Variants in APLP2 observed in about 807,000 individuals in gnomAD.
The protein encoded by APLP2 is amyloid beta precursor like protein 2, also known as CDEI box-binding protein.
A neutral mutation model predicts 89.9 loss-of-function variants in APLP2; 53 were observed. That is an observed-to-expected ratio of 0.59 (90% CI 0.47 to 0.74). The LOEUF (loss-of-function observed/expected upper bound fraction) is 0.74, where lower values mean the gene tolerates loss of function less well. Ranked by LOEUF, APLP2 falls within the 30% of genes least tolerant of loss-of-function variation. The pLI is 0.00. For missense variants in APLP2, 973 were observed against 975.9 expected, an observed-to-expected ratio of 1.00 and a Z score of 0.04; for synonymous variants, 372 against 348.6, an observed-to-expected ratio of 1.07 and a Z score of -0.75.
intron 1 of APLP2, among the ~76,000 whole-genome samples, chr11:130,094,146 C>T (rs985731081): frequency 6.6e-6 from 1 of 151,156 alleles, no homozygotes; most frequent in African/African-American, 2.4e-5. Flanking sequence ...TTCTGCCTCC[C>T]GGGTTTAAGC....
At chr11:130,097,350 A>T (rs1392507011) in intron 1 of APLP2, among the ~76,000 whole-genome samples, 1 of 152,240 alleles carries the variant, frequency 6.6e-6, no homozygotes, top group Non-Finnish European at 1.5e-5. Flanking sequence ...ATAAGCAAAG[A>T]TATGGGTTAT....
chr11:130,104,067 A>T (rs2135721279), intron 1 of APLP2, among the ~76,000 whole-genome samples: 1 of 152,126 alleles, frequency 6.6e-6, no homozygotes, highest in Admixed American at 6.5e-5. Context: ...TTCGGGGGAG[A>T]GCACTGGTTT....
At chr11:130,134,337 C>T (rs1456545072) in intron 12 of APLP2, among the ~76,000 whole-genome samples, 1 of 152,124 alleles carries the variant, frequency 6.6e-6, no homozygotes, top group East Asian at 1.9e-4. Context: ...GGCCTGAGAT[C>T]CGAATGGTAA....
rs1307942334 is a variant in APLP2, at chr11:130,141,598, G to A, written c.1998+26G>A. On this transcript the variant is annotated intron_variant, in intron 15 of 16. Transcript: ENST00000338167. The surrounding 1 kb of genome is among the most constrained non-coding windows in gnomAD (Gnocchi z 4.2). The stretch of plus-strand genomic sequence containing the variant: ...GTACGTGTTTAGCTCCAGAACCTAA[G>A]GTTTCCTGCCAATCTTAGGTATTTC... 4.4e-6 allele frequency: 7 copies of A among 1,602,536 alleles called. No individual in the cohort carries two copies. The highest frequency in any genetic ancestry group is 6.0e-6 in the Non-Finnish European group (7 of 1,169,798).
chr11:130,114,613 A>G (rs1391269274), intron 3 of APLP2, among the ~76,000 whole-genome samples: 4 of 152,148 alleles, frequency 2.6e-5, no homozygotes, highest in South Asian at 4.2e-4. Flanking sequence ...TTCTGATACA[A>G]AAGATTCTCC....
chr11:130,115,226 T>C (rs191182386), intron 3 of APLP2, among the ~76,000 whole-genome samples: 1 of 152,230 alleles, frequency 6.6e-6, no homozygotes, highest in East Asian at 1.9e-4. Flanking sequence ...AATTTTTAAT[T>C]TTTGTGGGTA....
chr11:130,129,843 T>G (rs1950742014), intron 10 of APLP2, among the ~76,000 whole-genome samples, 195 bp from the exon 11 acceptor site: 1 of 152,246 alleles, frequency 6.6e-6, no homozygotes. Context: ...AGTATAACTT[T>G]GGAACTTAGT....
At chr11:130,117,206 A>G (rs1949292923) in intron 3 of APLP2, among the ~76,000 whole-genome samples, 1 of 152,238 alleles carries the variant, frequency 6.6e-6, no homozygotes, top group African/African-American at 2.4e-5. Flanking sequence ...TTAGAGATCG[A>G]ACAGATTGAT....
chr11:130,084,987 A>G (rs541542168), intron 1 of APLP2, among the ~76,000 whole-genome samples: 1 of 152,358 alleles, frequency 6.6e-6, no homozygotes, highest in East Asian at 1.9e-4. Flanking sequence ...TACCATGAAA[A>G]TAAAAAGTAT....
rs763484690 is a variant in APLP2, at chr11:130,130,027, C to T, written c.1456-11C>T. 3 of 1,613,414 alleles carry T rather than the reference C, an allele frequency of 1.9e-6. No individual in the cohort carries two copies. Among genetic ancestry groups the T allele is most frequent in the African/African-American group, 2.7e-5 (2 of 74,930 alleles). Reference sequence around the variant, plus strand: ...GTCTCTGGATATTAAAACAACTGTTCTCTCTTGCAGCCTCATCGCATTCTC... The same window carrying T: ...GTCTCTGGATATTAAAACAACTGTTTTCTCTTGCAGCCTCATCGCATTCTC... On this transcript the variant is annotated splice_polypyrimidine_tract_variant and intron_variant, in intron 10 of 16. Transcript: ENST00000338167.
chr11:130,082,414 C>T (rs1227924908), intron 1 of APLP2: 1 of 152,442 alleles, frequency 6.6e-6, no homozygotes, highest in African/African-American at 2.4e-5. Flanking sequence ...GAACTCTTGA[C>T]CTCAGGTGAT....
chr11:130,100,059 T>A (rs1946703134), intron 1 of APLP2, among the ~76,000 whole-genome samples: 1 of 152,264 alleles, frequency 6.6e-6, no homozygotes, highest in Non-Finnish European at 1.5e-5. Context: ...CAAACACTTT[T>A]CAAACACTTA....
chr11:130,116,783 A>G (rs1359772037), intron 3 of APLP2, among the ~76,000 whole-genome samples: 2 of 152,104 alleles, frequency 1.3e-5, no homozygotes, highest in Non-Finnish European at 2.9e-5. Context: ...TCCTTAGGGT[A>G]TCTTTTTAGA....
intron 1 of APLP2, among the ~76,000 whole-genome samples, chr11:130,100,716 T>C (rs1946793803): frequency 6.6e-6 from 1 of 152,228 alleles, no homozygotes; most frequent in Non-Finnish European, 1.5e-5. Flanking sequence ...TTTGTATAAA[T>C]TACTGTCTGT....
chr11:130,109,545 A>G lies in APLP2; in HGVS notation c.222A>G (p.Pro74=). Residue 74 remains proline (P), a synonymous_variant, in exon 2 of 17, where the codon CCA becomes CCG. Coordinates refer to ENST00000338167, the MANE Select transcript of APLP2 (RefSeq NM_001142276.2). ...NIQTGKWEPD[P]TGTKSCFETK... is the part of the protein sequence containing the mutation. ...AGACTGGGAAATGGGAACCTGATCC[A>G]ACAGGCACCAAGAGCTGCTTTGAAA... 1 of 1,613,790 alleles carries G rather than the reference A, an allele frequency of 6.2e-7. No homozygotes were observed. Among genetic ancestry groups the G allele is most frequent in the Non-Finnish European group, 8.5e-7 (1 of 1,179,818 alleles).
At chr11:130,107,253 G>A (rs1183867287) in intron 1 of APLP2, among the ~76,000 whole-genome samples, 1 of 152,202 alleles carries the variant, frequency 6.6e-6, no homozygotes, top group African/African-American at 2.4e-5. Context: ...TTTGGTGTGT[G>A]CAAAGGATTA....
Position 130,143,534 on chromosome 11 carries a change from G to C in APLP2, c.*86G>C. On this transcript the variant is annotated 3_prime_UTR_variant, in exon 17 of 17. Coordinates refer to ENST00000338167, the MANE Select transcript of APLP2 (RefSeq NM_001142276.2). ...TCCGATCGACTGCCAAGCAGCAGCC[G>C]CTGCCAGGGGCTGCGTCTGACATCC... 4 of 1,089,736 alleles carry C rather than the reference G, an allele frequency of 3.7e-6. No homozygotes were observed. The highest frequency in any genetic ancestry group is 1.5e-5 in the African/African-American group (1 of 64,772). The allele number at this position is 1,089,736 out of a possible 1,614,324, so 67.5% of individuals were successfully genotyped here.
chr11:130,136,021 A>G (rs543668015), intron 13 of APLP2, among the ~76,000 whole-genome samples: 2 of 152,244 alleles, frequency 1.3e-5, no homozygotes, highest in African/African-American at 4.8e-5. Context: ...GGCAGTTGAA[A>G]CAGCGCCTTC....
chr11:130,120,271 T>C (rs899046968), intron 3 of APLP2, among the ~76,000 whole-genome samples: 2 of 152,198 alleles, frequency 1.3e-5, no homozygotes, highest in Non-Finnish European at 2.9e-5. Flanking sequence ...TATTACATCA[T>C]GTTTTGTCTA....
Sources: allele counts gnomAD v4.1 joint callset (sites outside exome capture counted in the v4.1 genomes callset), GRCh38; gene constraint gnomAD v4.1.1; non-coding constraint Gnocchi (gnomAD v3.1); transcripts MANE v1.5; gene names NCBI Gene and HGNC (gene_info 2026-07-23, HGNC 2026-07-21).